The following FRMD5 variants were observed in gnomAD, a reference collection of about 807,000 sequenced individuals.
FRMD5 encodes FERM domain-containing protein 5.
FRMD5 carries 20 observed loss-of-function variants against 69.0 expected under a neutral mutation model. The observed-to-expected ratio is 0.29, with a 90% confidence interval of 0.20 to 0.42. FRMD5 has a LOEUF of 0.42. FRMD5 is among the 10% of genes least tolerant of loss of function. The pLI is 1.00. For missense variants in FRMD5, 595 were observed against 708.6 expected (o/e 0.84, Z 1.82); for synonymous variants, 271 against 260.1 (o/e 1.04, Z -0.40).
intron 1 of FRMD5, among the ~76,000 whole-genome samples, chr15:44,070,127 G>C (rs907451242): frequency 3.3e-5 from 5 of 152,028 alleles, no homozygotes; most frequent in African/African-American, 7.2e-5. Flanking sequence ...TTATTCTCAA[G>C]GGAATGTGAT....
intron 13 of FRMD5, among the ~76,000 whole-genome samples, chr15:43,878,084 C>T (rs2088414525): frequency 6.6e-6 from 1 of 152,126 alleles, no homozygotes; most frequent in Admixed American, 6.5e-5. Context: ...CTCACTGCAG[C>T]CTCGACCTCC....
At chr15:43,981,002 C>A (rs1026151312) in intron 1 of FRMD5, among the ~76,000 whole-genome samples, 1 of 152,158 alleles carries the variant, frequency 6.6e-6, no homozygotes, top group African/African-American at 2.4e-5. Context: ...CAATTTAACA[C>A]AGACACACAA....
upstream of FRMD5, among the ~76,000 whole-genome samples, chr15:44,199,417 T>C (rs1334226433): frequency 1.3e-5 from 2 of 152,128 alleles, no homozygotes; most frequent in African/African-American, 4.8e-5. Context: ...TCTTAGGCAT[T>C]TACTCCCAAT....
At chr15:43,962,876 G>A (rs532072149) in intron 1 of FRMD5, among the ~76,000 whole-genome samples, 8 of 152,188 alleles carry the variant, frequency 5.3e-5, no homozygotes, top group East Asian at 1.9e-4. Flanking sequence ...AAACTGGATC[G>A]CTTCCTTACA....
At chr15:43,917,992 T>G (rs2089424162) in intron 4 of FRMD5, among the ~76,000 whole-genome samples, 3 of 152,190 alleles carry the variant, frequency 2.0e-5, no homozygotes, top group Admixed American at 6.5e-5. Flanking sequence ...AGAAGCCACT[T>G]TTCTCCCCTG....
chr15:44,187,221 G>A (rs963185087), intron 1 of FRMD5, among the ~76,000 whole-genome samples: 3 of 152,182 alleles, frequency 2.0e-5, no homozygotes, highest in African/African-American at 7.2e-5. Context: ...AATGAAGATT[G>A]AAATCTGAAT....
chr15:44,131,103 T>C (rs1055078379), intron 1 of FRMD5, among the ~76,000 whole-genome samples: 2 of 152,152 alleles, frequency 1.3e-5, no homozygotes, highest in African/African-American at 4.8e-5. Flanking sequence ...CCAAGGTTAG[T>C]GCTATCCACT....
chr15:43,923,335 G>A (rs1316053319), intron 2 of FRMD5, among the ~76,000 whole-genome samples: 1 of 152,196 alleles, frequency 6.6e-6, no homozygotes, highest in Non-Finnish European at 1.5e-5. Flanking sequence ...TGTAATAAGT[G>A]CTATAACAGG....
intron 1 of FRMD5, among the ~76,000 whole-genome samples, chr15:44,077,253 CAG>C (rs1893809099): frequency 6.6e-6 from 1 of 152,086 alleles, no homozygotes; most frequent in South Asian, 2.1e-4. Context: ...TTAAAACACA[CAG>C]AAACTATTAT....
chr15:44,111,666 C>T (rs113666090), intron 1 of FRMD5, among the ~76,000 whole-genome samples: 101 of 152,284 alleles, frequency 6.6e-4, no homozygotes, highest in South Asian at 6.2e-4. Context: ...GAGCAAGAAG[C>T]GTCTTGTTTC....
At chr15:44,109,485 T>G (rs999882603) in intron 1 of FRMD5, among the ~76,000 whole-genome samples, 9 of 151,428 alleles carry the variant, frequency 5.9e-5, no homozygotes, top group African/African-American at 2.2e-4. Context: ...ATAAATTTTG[T>G]TTTTTTTAAG....
At chr15:44,115,491 C>A (rs1340879286) in intron 1 of FRMD5, among the ~76,000 whole-genome samples, 1 of 152,064 alleles carries the variant, frequency 6.6e-6, no homozygotes, top group Non-Finnish European at 1.5e-5. Context: ...ATGTTCAGAT[C>A]TTTAATAACA....
At chr15:43,920,222 T>C (rs945809732) in intron 2 of FRMD5, among the ~76,000 whole-genome samples, 4 of 152,224 alleles carry the variant, frequency 2.6e-5, no homozygotes, top group East Asian at 1.9e-4. Flanking sequence ...AGCTTTTTTT[T>C]TCTTCTTTTT....
chr15:43,902,056 C>G (rs2089058226), intron 7 of FRMD5, 119 bp downstream of exon 7: 10 of 726,642 alleles, frequency 1.4e-5, no homozygotes, highest in Non-Finnish European at 2.4e-5. Flanking sequence ...TGATATCTCA[C>G]TGAAAGTGCC....
chr15:44,191,778 C>T (rs1219550119), intron 1 of FRMD5, among the ~76,000 whole-genome samples: 1 of 150,990 alleles, frequency 6.6e-6, no homozygotes, highest in Non-Finnish European at 1.5e-5. Context: ...TATTACATGC[C>T]TAAGCACGTA....
intron 1 of FRMD5, among the ~76,000 whole-genome samples, chr15:44,020,259 C>T (rs1375598027): frequency 1.2e-4 from 18 of 152,056 alleles, no homozygotes; most frequent in Non-Finnish European, 2.5e-4. Context: ...CTGCTTAATG[C>T]TGCTTGTTCA....
At position 44,118,837 on chromosome 15, in the gene FRMD5, G is replaced by A. The variant is rs143332649; in HGVS notation, c.102+76116C>T. Among the ~76,000 whole-genome samples, 142 of 152,270 alleles carry A rather than the reference G, an allele frequency of 9.3e-4. 2 individuals carry two copies. Among genetic ancestry groups the A allele is most frequent in the African/African-American group, 3.2e-3 (134 of 41,542 alleles). On this transcript the variant is annotated intron_variant, in intron 1 of 13. Coordinates refer to ENST00000417257, the MANE Select transcript of FRMD5 (RefSeq NM_032892.5). ...ATCACCCAGGCTGGAGTGCAGTGGC[G>A]CAATCACTGCTCACTGCAGCCTCGA...
intron 1 of FRMD5, among the ~76,000 whole-genome samples, chr15:44,173,919 C>T (rs781397337): frequency 7.2e-5 from 11 of 151,976 alleles, no homozygotes; most frequent in Admixed American, 3.3e-4. Context: ...CTTTCAGATA[C>T]ATTTTCTCTA....
chr15:44,100,150 T>C (rs1437346532), intron 1 of FRMD5, among the ~76,000 whole-genome samples: 1 of 150,838 alleles, frequency 6.6e-6, no homozygotes, highest in Non-Finnish European at 1.5e-5. Flanking sequence ...ACCTCCCGGG[T>C]TCAAGTGATT....
Sources: gnomAD v4.1 joint callset for allele counts (sites outside exome capture counted in the v4.1 genomes callset) on GRCh38, gnomAD v4.1.1 for gene constraint, MANE v1.5 for transcripts, NCBI Gene and HGNC (gene_info 2026-07-23, HGNC 2026-07-21) for gene names.